ADAMTSL2: variants seen among roughly 807,000 people sequenced by gnomAD.
ADAMTSL2 encodes ADAMTS like 2, also known as ADAMTS-like protein 2.
ADAMTSL2 carries 55 observed loss-of-function variants against 117.0 expected under a neutral mutation model. That is an observed-to-expected ratio of 0.47 (90% CI 0.38 to 0.59). The LOEUF is 0.59. ADAMTSL2 is among the 20% of genes least tolerant of loss of function. ADAMTSL2 has a pLI of 0.00. For missense variants in ADAMTSL2, 1,182 were observed against 1,354.5 expected (o/e 0.87, Z 2.00); for synonymous variants, 572 against 566.4 (o/e 1.01, Z -0.14).
intron 5 of ADAMTSL2, among the ~76,000 whole-genome samples, chr9:133,540,149 G>A (rs2131099443): frequency 6.6e-6 from 1 of 152,272 alleles, no homozygotes; most frequent in Admixed American, 6.5e-5. Flanking sequence ...TTACTTACTG[G>A]CTCCTGGGCA....
Position 133,554,647 on chromosome 9 carries a change from C to T in ADAMTSL2, c.1230C>T (p.Ala410=), listed in dbSNP as rs369962641. 2,689 of 1,529,394 alleles carry T rather than the reference C, an allele frequency of 1.8e-3. 34 individuals carry two copies. The African/African-American group carries it at 0.033, about 19-fold the overall frequency. The allele number at this position is 1,529,394 out of a possible 1,614,324, so 94.7% of individuals were successfully genotyped here. A position where few individuals can be genotyped will look rare whatever the true frequency, so the allele number is the denominator to read the frequency against. The change falls in exon 10 of 19, where the codon GCC becomes GCT. Residue 410 remains alanine, a synonymous_variant. Transcript: ENST00000651351. The surrounding 1 kb of genome is among the most constrained non-coding windows in gnomAD (Gnocchi z 5.2). ...GQETNEVCEQ[A]GGGACEGPPR... is the part of the protein sequence containing the mutation. ...AGACCAACGAGGTGTGCGAGCAGGC[C>T]GGCGGCGGGGCCTGCGAGGGGCCCC...
intron 17 of ADAMTSL2, among the ~76,000 whole-genome samples, chr9:133,571,835 C>G (rs111347829): frequency 0.061 from 9,223 of 152,260 alleles, 386 homozygotes; most frequent in Non-Finnish European, 0.1. Flanking sequence ...GGGTCTCCAG[C>G]TACCTCTGCC....
chr9:133,546,528 G>A (rs954383451), intron 8 of ADAMTSL2, among the ~76,000 whole-genome samples: 2 of 152,170 alleles, frequency 1.3e-5, no homozygotes, highest in East Asian at 1.9e-4. Flanking sequence ...CTCTGCTCCC[G>A]TGGAGAGGTT....
intron 2 of ADAMTSL2, 35 bp from the exon 3 acceptor site, chr9:133,537,370 G>A: frequency 1.5e-6 from 2 of 1,331,892 alleles, no homozygotes; most frequent in Non-Finnish European, 1.9e-6. Context: ...CTGGGCACTT[G>A]AGCCCTCTAC....
intron 18 of ADAMTSL2, 152 bp downstream of exon 18, chr9:133,574,139 C>T (rs1588314275): frequency 1.8e-6 from 2 of 1,087,392 alleles, no homozygotes; most frequent in East Asian, 5.2e-5. Flanking sequence ...GTGGGGGCTC[C>T]CTCCCGGCAT....
chr9:133,573,834 C>A lies in ADAMTSL2; in HGVS notation c.2593-9C>A. The A allele has an allele frequency of 6.2e-7, 1 of 1,614,008 alleles. No individual in the cohort carries two copies. Among genetic ancestry groups the A allele is most frequent in the Non-Finnish European group, 8.5e-7 (1 of 1,180,002 alleles). On this transcript the variant is annotated splice_polypyrimidine_tract_variant and intron_variant, in intron 17 of 18. Transcript: ENST00000651351. ...GCTTTCCCCATGCCTTCTGTCTCTC[C>A]CACACCAGTGCACCAAGACCTGCGG...
upstream of ADAMTSL2, among the ~76,000 whole-genome samples, chr9:133,533,361 G>A (rs561508384): frequency 1.3e-5 from 2 of 152,166 alleles, no homozygotes; most frequent in Non-Finnish European, 2.9e-5. Flanking sequence ...AGAATGAGAT[G>A]AATAAGACTT....
rs1830301220 is a variant in ADAMTSL2 at position 133,544,455 on chromosome 9, T to C, written c.683-15T>C. On this transcript the variant is annotated splice_polypyrimidine_tract_variant and intron_variant, in intron 7 of 18. Coordinates refer to ENST00000651351, the MANE Select transcript of ADAMTSL2 (RefSeq NM_014694.4). ...TCCAATCAAGAGGGGCTCACTGTCA[T>C]CCTTTTGCCTCCAGGTTACTCTCTG... 5 of 1,609,370 alleles carry C rather than the reference T, an allele frequency of 3.1e-6. No individual in the cohort carries two copies. Among genetic ancestry groups the C allele is most frequent in the Non-Finnish European group, 4.3e-6 (5 of 1,175,604 alleles).
At chr9:133,570,260 T>A in intron 16 of ADAMTSL2, 71 bp from the exon 17 acceptor site, 4 of 1,506,034 alleles carry the variant, frequency 2.7e-6, no homozygotes, top group Non-Finnish European at 3.6e-6. Context: ...GTCACCAGAG[T>A]CGCCGTGGGC....
chr9:133,563,307 C>T (rs1253343400), intron 12 of ADAMTSL2, among the ~76,000 whole-genome samples: 2 of 152,232 alleles, frequency 1.3e-5, no homozygotes, highest in Non-Finnish European at 2.9e-5. Flanking sequence ...CCGGGCAGAC[C>T]CCTAGCGGAG....
At chr9:133,567,805 C>G (rs1831009789) in intron 13 of ADAMTSL2, among the ~76,000 whole-genome samples, 1 of 152,242 alleles carries the variant, frequency 6.6e-6, no homozygotes, top group Non-Finnish European at 1.5e-5. Context: ...CTTTGGACCT[C>G]TTATTCCAAG....
At chr9:133,569,619 G>A (rs1831058445) in intron 16 of ADAMTSL2, 41 bp downstream of exon 16, 3 of 1,547,712 alleles carry the variant, frequency 1.9e-6, no homozygotes, top group Non-Finnish European at 2.6e-6. Flanking sequence ...CCTGGTATCT[G>A]GAGAGCATTT....
At chr9:133,534,261 G>C (rs944247202), upstream of ADAMTSL2, 2 of 153,822 alleles carry the variant, frequency 1.3e-5, no homozygotes, top group African/African-American at 2.4e-5. Flanking sequence ...CCTGGGGCAC[G>C]GTCGTCCCGG....
Position 133,574,670 on chromosome 9 carries a change from C to T in ADAMTSL2, c.2738-76C>T, listed in dbSNP as rs887526888. ...GGCCCACTGCCCCTGGAAAACGGCACGTGGGGGTCCCTGGGGTTTTCGCCC... is the reference window on the plus strand; with the variant it reads ...GGCCCACTGCCCCTGGAAAACGGCATGTGGGGGTCCCTGGGGTTTTCGCCC... On this transcript the variant is annotated intron_variant, in intron 18 of 18. Transcript: ENST00000651351. The T allele has an allele frequency of 3.6e-4, 472 of 1,305,894 alleles. 3 individuals are homozygous for T. The African/African-American group carries it at 5.5e-3, about 15-fold the overall frequency. 80.9% of individuals were successfully genotyped at this position (1,305,894 alleles called of 1,614,324 possible).
chr9:133,547,616 G>A (rs895053625), intron 9 of ADAMTSL2, among the ~76,000 whole-genome samples: 2 of 152,210 alleles, frequency 1.3e-5, no homozygotes, highest in Non-Finnish European at 1.5e-5. Flanking sequence ...CCCATTTCCT[G>A]CCCTTTGGGA....
At chr9:133,550,472 C>T (rs1024119765) in intron 9 of ADAMTSL2, among the ~76,000 whole-genome samples, 45 of 152,248 alleles carry the variant, frequency 3.0e-4, no homozygotes, top group African/African-American at 1.0e-3. Context: ...GCCATGTTCT[C>T]GGTACCCTGT....
rs1293180387 is a variant in ADAMTSL2 at position 133,536,710 on chromosome 9, A to G, written c.-3A>G. On this transcript the variant is annotated 5_prime_UTR_variant, in exon 2 of 19. Coordinates refer to ENST00000651351, the MANE Select transcript of ADAMTSL2 (RefSeq NM_014694.4). Reference sequence around the variant, plus strand: ...GGTGGTGACAGTGGCCTTGCTTCCTAGGATGGATGGCAGATGGCAATGTTC... The same window carrying G: ...GGTGGTGACAGTGGCCTTGCTTCCTGGGATGGATGGCAGATGGCAATGTTC... 1.9e-6 allele frequency: 3 copies of G among 1,614,126 alleles called. No homozygotes were observed. The Admixed American group carries it at 5.0e-5, about 27-fold the overall frequency.
At position 133,568,669 on chromosome 9, in the gene ADAMTSL2, C is replaced by A; in HGVS notation, c.2155C>A (p.Leu719Met). 6.2e-7 allele frequency: 1 copy of A among 1,613,478 alleles called. No individual in the cohort carries two copies. The highest frequency in any genetic ancestry group is 8.5e-7 in the Non-Finnish European group (1 of 1,180,004). The change falls in exon 15 of 19, where the codon CTG becomes ATG. Residue 719 changes from leucine to methionine, a missense_variant. Leu to Met is a conservative substitution (Grantham distance 15). Transcript: ENST00000651351. ...CATCCGCTGCTCGGAGGATGAGAAG[C>A]TGTGTGACCCCAACACCAGGCCTGT... ...RDIRCSEDEK[L>M]CDPNTRPVGE...
intron 12 of ADAMTSL2, among the ~76,000 whole-genome samples, chr9:133,564,334 A>AG (rs1830872464): frequency 2.4e-4 from 1 of 4,204 alleles, no homozygotes; most frequent in South Asian, 8.1e-3. Flanking sequence ...GAGAGAGAGA[A>AG]AGAGAGAGAA....
Sources: gnomAD v4.1 joint callset for allele counts (sites outside exome capture counted in the v4.1 genomes callset) on GRCh38, gnomAD v4.1.1 for gene constraint, Gnocchi (gnomAD v3.1) non-coding constraint, MANE v1.5 for transcripts, NCBI Gene and HGNC (gene_info 2026-07-23, HGNC 2026-07-21) for gene names.